The following TEAD1 variants were observed in gnomAD, a reference collection of about 807,000 sequenced individuals.
The protein encoded by TEAD1 is transcriptional enhancer factor TEF-1.
In TEAD1, 9 loss-of-function variants were observed where a neutral mutation model predicts 54.9. The ratio of observed to expected loss-of-function variants is 0.16; its 90% CI spans 0.10 to 0.29. The LOEUF (loss-of-function observed/expected upper bound fraction) is 0.29. Ranked by LOEUF, TEAD1 falls within the 10% of genes least tolerant of loss-of-function variation. The pLI, the probability that TEAD1 is intolerant of heterozygous loss-of-function variation, is 1.00. For missense variants in TEAD1, 387 were observed against 535.9 expected (o/e 0.72, Z 2.74); for synonymous variants, 200 against 187.8 (o/e 1.07, Z -0.53).
chr11:12,676,453 G>A (rs1452165736), intron 2 of TEAD1, among the ~76,000 whole-genome samples: 1 of 152,222 alleles, frequency 6.6e-6, no homozygotes, highest in Non-Finnish European at 1.5e-5. Context: ...GCACAGATTG[G>A]GGAACAGTCT....
At chr11:12,743,903 G>A (rs761601728) in intron 2 of TEAD1, among the ~76,000 whole-genome samples, 4 of 152,182 alleles carry the variant, frequency 2.6e-5, no homozygotes, top group Admixed American at 6.5e-5. Flanking sequence ...AGGGGACAGA[G>A]CATTCACTGG....
chr11:12,803,974 T>C (rs9888152), intron 3 of TEAD1, among the ~76,000 whole-genome samples: 152,238 of 152,310 alleles, frequency 1, 76,083 homozygotes, highest in Non-Finnish European at 1. Flanking sequence ...AGACTTTTGC[T>C]AAGGAGGTTA....
chr11:12,808,259 C>A (rs1946220460), intron 3 of TEAD1, among the ~76,000 whole-genome samples: 1 of 151,968 alleles, frequency 6.6e-6, no homozygotes, highest in South Asian at 2.1e-4. Context: ...ATAGTAGGCT[C>A]ATAAAATAAC....
chr11:12,747,148 C>G (rs1375877492), intron 2 of TEAD1, among the ~76,000 whole-genome samples: 1 of 152,040 alleles, frequency 6.6e-6, no homozygotes, highest in African/African-American at 2.4e-5. Context: ...TAAGAATCAT[C>G]AAAATTGTAT....
intron 5 of TEAD1, chr11:12,865,392 G>A (rs1564968863): frequency 1.2e-5 from 2 of 161,288 alleles, no homozygotes; most frequent in Non-Finnish European, 2.7e-5. Flanking sequence ...TTTTTAAGAA[G>A]ACTTATAAAA....
chr11:12,744,075 A>G (rs1944699382), intron 2 of TEAD1, among the ~76,000 whole-genome samples: 1 of 152,208 alleles, frequency 6.6e-6, no homozygotes, highest in Admixed American at 6.5e-5. Flanking sequence ...GTCATCTTTA[A>G]TTCATTGCTG....
At chr11:12,819,679 C>G (rs1240848119) in intron 3 of TEAD1, among the ~76,000 whole-genome samples, 1 of 151,878 alleles carries the variant, frequency 6.6e-6, no homozygotes, top group African/African-American at 2.4e-5. Flanking sequence ...TCTTGATCTC[C>G]TGACCTTTTG....
At chr11:12,767,410 A>T (rs986555987) in intron 3 of TEAD1, among the ~76,000 whole-genome samples, 6 of 152,236 alleles carry the variant, frequency 3.9e-5, no homozygotes, top group African/African-American at 1.2e-4. Flanking sequence ...TTTTAGTGAA[A>T]TACCGAGTGT....
At chr11:12,861,507 C>T (rs1947503527) in intron 3 of TEAD1, among the ~76,000 whole-genome samples, 1 of 152,102 alleles carries the variant, frequency 6.6e-6, no homozygotes, top group South Asian at 2.1e-4. Context: ...GTGATTTTAG[C>T]TGGAGTAAAC....
intron 10 of TEAD1, among the ~76,000 whole-genome samples, chr11:12,908,668 G>A (rs1392150805): frequency 6.6e-6 from 1 of 152,182 alleles, no homozygotes; most frequent in East Asian, 1.9e-4. Flanking sequence ...TTAGGAGAAA[G>A]CAGTGTTGTT....
At chr11:12,738,816 A>G (rs562368912) in intron 2 of TEAD1, among the ~76,000 whole-genome samples, 1 of 152,200 alleles carries the variant, frequency 6.6e-6, no homozygotes, top group Admixed American at 6.5e-5. Context: ...AATTAATTCT[A>G]TATTTATTAA....
chr11:12,934,309 G>A (rs1482182505), intron 12 of TEAD1, among the ~76,000 whole-genome samples: 1 of 152,070 alleles, frequency 6.6e-6, no homozygotes, highest in Non-Finnish European at 1.5e-5. Flanking sequence ...AACACCGCAT[G>A]TTCTCACTCA....
intron 3 of TEAD1, among the ~76,000 whole-genome samples, chr11:12,803,889 C>T (rs1235441616): frequency 2.0e-5 from 3 of 152,210 alleles, no homozygotes; most frequent in Non-Finnish European, 4.4e-5. Flanking sequence ...AGGACGCCAA[C>T]ACTTGTCCTG....
chr11:12,761,375 G>C, intron 2 of TEAD1, among the ~76,000 whole-genome samples: 1 of 152,204 alleles, frequency 6.6e-6, no homozygotes, highest in East Asian at 1.9e-4. Context: ...GTGACAGACA[G>C]CTCTTCAGAG....
At chr11:12,833,637 C>T (rs996075004) in intron 3 of TEAD1, among the ~76,000 whole-genome samples, 5 of 151,902 alleles carry the variant, frequency 3.3e-5, no homozygotes, top group African/African-American at 7.3e-5. Context: ...AAAAAAAAAG[C>T]GTTGGTTCCT....
intron 10 of TEAD1, among the ~76,000 whole-genome samples, chr11:12,910,888 A>G (rs983357683): frequency 6.6e-6 from 1 of 151,718 alleles, no homozygotes; most frequent in Non-Finnish European, 1.5e-5. Context: ...CTGGGATTAC[A>G]GGCACCTGCC....
intron 3 of TEAD1, among the ~76,000 whole-genome samples, chr11:12,860,339 T>A (rs1020480533): frequency 6.6e-6 from 1 of 152,190 alleles, no homozygotes; most frequent in Non-Finnish European, 1.5e-5. Context: ...TTATGAGGAC[T>A]TTCAGGAATG....
At chr11:12,699,506 G>C (rs4129145) in intron 2 of TEAD1, among the ~76,000 whole-genome samples, 10,627 of 152,090 alleles carry the variant, frequency 0.07, 1,228 homozygotes, top group African/African-American at 0.24. Context: ...TTTTCAGTTA[G>C]AGTCATGCCA....
At chr11:12,908,158 T>C (rs993555406) in intron 10 of TEAD1, among the ~76,000 whole-genome samples, 1 of 152,146 alleles carries the variant, frequency 6.6e-6, no homozygotes, top group Non-Finnish European at 1.5e-5. Context: ...CAGAGGATAG[T>C]CCAGGAGCCT....
Sources: allele counts gnomAD v4.1 joint callset (sites outside exome capture counted in the v4.1 genomes callset), GRCh38; gene constraint gnomAD v4.1.1; transcripts MANE v1.5; gene names NCBI Gene and HGNC (gene_info 2026-07-23, HGNC 2026-07-21).